CLSTN2: variants seen among roughly 807,000 people sequenced by gnomAD.
CLSTN2 encodes calsyntenin-2.
Under a neutral mutation model 101.2 loss-of-function variants are expected in CLSTN2, and 48 were observed. The ratio of observed to expected loss-of-function variants is 0.47; its 90% CI spans 0.38 to 0.60. The LOEUF is 0.60. Ranked by LOEUF, CLSTN2 falls within the 20% of genes least tolerant of loss-of-function variation. The pLI is 0.00. For synonymous variants in CLSTN2, 481 were observed against 463.6 expected (o/e 1.04, Z -0.48); for missense variants, 1,160 against 1,238.2 (o/e 0.94, Z 0.95).
intron 2 of CLSTN2, among the ~76,000 whole-genome samples, chr3:140,270,610 G>A (rs933070809): frequency 1.3e-5 from 2 of 152,180 alleles, no homozygotes; most frequent in Non-Finnish European, 2.9e-5. Context: ...CTGGTTGTGT[G>A]TAGACAGGAG....
chr3:140,058,916 C>T (rs943889650), intron 1 of CLSTN2, among the ~76,000 whole-genome samples: 2 of 152,150 alleles, frequency 1.3e-5, no homozygotes, highest in Non-Finnish European at 2.9e-5. Flanking sequence ...GGGGAGGGCC[C>T]TGACCAGCAG....
intron 5 of CLSTN2, among the ~76,000 whole-genome samples, chr3:140,442,250 C>A (rs534635582): frequency 6.6e-5 from 10 of 152,300 alleles, no homozygotes; most frequent in African/African-American, 2.4e-4. Flanking sequence ...ACCCTACACA[C>A]CCCTTTTTGG....
At chr3:139,946,387 G>T (rs1454219711) in intron 1 of CLSTN2, among the ~76,000 whole-genome samples, 1 of 152,182 alleles carries the variant, frequency 6.6e-6, no homozygotes, top group African/African-American at 2.4e-5. Context: ...GGTAGACAGG[G>T]CATGTCCAAG....
chr3:140,498,229 T>TC (rs1216894590), intron 8 of CLSTN2, among the ~76,000 whole-genome samples: 1 of 152,188 alleles, frequency 6.6e-6, no homozygotes, highest in African/African-American at 2.4e-5. Flanking sequence ...GAAGAGTTTA[T>TC]CCACTGGCGC....
chr3:140,030,933 C>G lies in CLSTN2; in HGVS notation c.109+95450C>G, dbSNP rs528637642. ...AAATTAGACTGAGGGAAAGATGCAC[C>G]CCAGATGAATGGGCACATTTCCTTC... On this transcript the variant is annotated intron_variant, in intron 1 of 16. Coordinates refer to ENST00000458420, the MANE Select transcript of CLSTN2 (RefSeq NM_022131.3). Among the ~76,000 whole-genome samples the G allele has an allele frequency of 3.9e-5, 6 of 152,164 alleles. No individual in the cohort carries two copies. In the East Asian group the frequency reaches 7.7e-4, roughly 20 times the overall value.
intron 2 of CLSTN2, among the ~76,000 whole-genome samples, chr3:140,247,061 T>C (rs1214914648): frequency 6.6e-6 from 1 of 152,108 alleles, no homozygotes; most frequent in Non-Finnish European, 1.5e-5. Flanking sequence ...GTTTATGAAG[T>C]CTCCTCTTCT....
At chr3:140,424,875 T>C (rs1225557464) in intron 5 of CLSTN2, among the ~76,000 whole-genome samples, 1 of 151,632 alleles carries the variant, frequency 6.6e-6, no homozygotes. Context: ...GAGGGGCCTG[T>C]GGTAGGGGAG....
chr3:140,431,032 G>C (rs1264309056), intron 5 of CLSTN2, among the ~76,000 whole-genome samples: 1 of 152,188 alleles, frequency 6.6e-6, no homozygotes, highest in Non-Finnish European at 1.5e-5. Context: ...TTAGAAGAGA[G>C]ACATAGCCTG....
chr3:140,515,360 A>G (rs1446164875), intron 8 of CLSTN2, among the ~76,000 whole-genome samples: 3 of 151,708 alleles, frequency 2.0e-5, no homozygotes, highest in Admixed American at 6.6e-5. Flanking sequence ...TGTTTGTTTC[A>G]GTTTCATTTA....
At chr3:139,949,303 G>T (rs1219330284) in intron 1 of CLSTN2, among the ~76,000 whole-genome samples, 1 of 152,294 alleles carries the variant, frequency 6.6e-6, no homozygotes, top group South Asian at 2.1e-4. Context: ...GAGCTCCCTG[G>T]AACCCAGCTC....
At position 140,338,696 on chromosome 3, in the gene CLSTN2, G is replaced by T. The variant is rs1282973041; in HGVS notation, c.233-64933G>T. Among the ~76,000 whole-genome samples, 4 of 152,146 alleles carry T rather than the reference G, an allele frequency of 2.6e-5. No homozygotes were observed. In the East Asian group the frequency reaches 7.7e-4, roughly 29 times the overall value. The stretch of plus-strand genomic sequence containing the variant: ...ATCGTCTGATAACTTTACTGCATGG[G>T]CCTGGTCACTAGTTTGCACAAGGCT... On this transcript the variant is annotated intron_variant, in intron 2 of 16. Coordinates refer to ENST00000458420, the MANE Select transcript of CLSTN2 (RefSeq NM_022131.3).
chr3:140,470,558 G>C (rs507760), intron 8 of CLSTN2, among the ~76,000 whole-genome samples: 23,017 of 152,236 alleles, frequency 0.15, 2,927 homozygotes, highest in African/African-American at 0.32. Flanking sequence ...AGAAAGCTTT[G>C]ACAGGTATTG....
chr3:140,193,146 G>A (rs1218050167), intron 2 of CLSTN2, among the ~76,000 whole-genome samples: 1 of 151,050 alleles, frequency 6.6e-6, no homozygotes, highest in Non-Finnish European at 1.5e-5. Context: ...TGCTTAAAAT[G>A]TAAAATGTGA....
intron 1 of CLSTN2, among the ~76,000 whole-genome samples, chr3:140,112,565 T>C (rs530938684): frequency 6.6e-6 from 1 of 152,238 alleles, no homozygotes; most frequent in South Asian, 2.1e-4. Flanking sequence ...CCTTCATAAG[T>C]CAGTAAATGG....
At chr3:140,071,575 T>C (rs549597870) in intron 1 of CLSTN2, among the ~76,000 whole-genome samples, 2 of 152,348 alleles carry the variant, frequency 1.3e-5, no homozygotes, top group Non-Finnish European at 2.9e-5. Flanking sequence ...CTCACGCCTG[T>C]AATCCCAGCC....
chr3:140,298,787 C>T (rs1317866286), intron 2 of CLSTN2, among the ~76,000 whole-genome samples: 1 of 152,138 alleles, frequency 6.6e-6, no homozygotes, highest in Admixed American at 6.5e-5. Flanking sequence ...GAACAGAATG[C>T]ATGGTGTAAA....
In CLSTN2 at chr3:140,448,603, C is replaced by T. The variant is rs765887571; in HGVS notation, c.872C>T (p.Ala291Val). 6 of 1,614,098 alleles carry T rather than the reference C, an allele frequency of 3.7e-6. No homozygotes were observed. The South Asian group carries it at 4.4e-5, about 12-fold the overall frequency. Residue 291 changes from alanine (A) to valine (V), a missense_variant, in exon 6 of 17, where the codon GCC becomes GTC. Coordinates refer to ENST00000458420, the MANE Select transcript of CLSTN2 (RefSeq NM_022131.3). Reference protein sequence around the residue: ...PSIHLETCDGAVSSLQIVTEL... With the variant: ...PSIHLETCDGVVSSLQIVTEL... ...ATCCACCTGGAGACGTGCGATGGAG[C>T]CGTGTCTTCCCTCCAGATCGTCACA...
In CLSTN2 at chr3:140,263,051, C is replaced by A. The variant is rs141205128; in HGVS notation, c.232+86978C>A. ...ACTTGACCGTTCCCCACATCCCCCC[C>A]AAAAAAACCCCCAAGAGCAAGCAAA... On this transcript the variant is annotated intron_variant, in intron 2 of 16. Coordinates refer to ENST00000458420, the MANE Select transcript of CLSTN2 (RefSeq NM_022131.3). Among the ~76,000 whole-genome samples the A allele has an allele frequency of 1.1e-4, 16 of 151,348 alleles. No homozygotes were observed. The East Asian group carries it at 3.1e-3, about 29-fold the overall frequency.
At chr3:140,163,310 C>A (rs2010080590) in intron 1 of CLSTN2, among the ~76,000 whole-genome samples, 1 of 151,998 alleles carries the variant, frequency 6.6e-6, no homozygotes, top group Non-Finnish European at 1.5e-5. Context: ...CTCAAGATTG[C>A]AGCATCAACT....
Sources: gnomAD v4.1 joint callset for allele counts (sites outside exome capture counted in the v4.1 genomes callset) on GRCh38, gnomAD v4.1.1 for gene constraint, MANE v1.5 for transcripts, NCBI Gene and HGNC (gene_info 2026-07-23, HGNC 2026-07-21) for gene names.